Variants in NAV3 observed in about 807,000 individuals in gnomAD.
NAV3 encodes the protein pore membrane and/or filament interacting like protein 1.
A neutral mutation model predicts 244.7 loss-of-function variants in NAV3; 87 were observed. The ratio of observed to expected loss-of-function variants is 0.36; its 90% CI spans 0.30 to 0.42. NAV3 has a LOEUF of 0.42. Ranked by LOEUF, NAV3 falls within the 20% of genes least tolerant of loss-of-function variation. The pLI is 1.00. For missense variants in NAV3, 2,663 were observed against 2,893.3 expected, an observed-to-expected ratio of 0.92 and a Z score of 1.83; for synonymous variants, 1,126 against 1,042.2, an observed-to-expected ratio of 1.08 and a Z score of -1.55.
intron 2 of NAV3, among the ~76,000 whole-genome samples, chr12:77,780,946 T>C (rs9634207): frequency 0.97 from 147,479 of 152,238 alleles, 71,624 homozygotes; most frequent in East Asian, 1. Context: ...CCATGAGGAG[T>C]GGTTGTATCC....
At chr12:77,867,234 T>C (rs1342386317) in intron 1 of NAV3, among the ~76,000 whole-genome samples, 1 of 152,218 alleles carries the variant, frequency 6.6e-6, no homozygotes, top group Non-Finnish European at 1.5e-5. Flanking sequence ...TGAGATCCGA[T>C]GGTTTTATAA....
chr12:77,827,737 TAAC>T (rs1463704475), upstream of NAV3, among the ~76,000 whole-genome samples: 3 of 152,186 alleles, frequency 2.0e-5, no homozygotes, highest in African/African-American at 7.2e-5. Flanking sequence ...AAAACTATCT[TAAC>T]AACATCATAC....
intron 2 of NAV3, among the ~76,000 whole-genome samples, chr12:77,680,483 G>T (rs551789910): frequency 6.6e-6 from 1 of 152,194 alleles, no homozygotes; most frequent in East Asian, 1.9e-4. Flanking sequence ...TTGTGAATGG[G>T]TTAGTAAGAC....
intron 12 of NAV3, among the ~76,000 whole-genome samples, chr12:78,084,893 C>CT (rs1022270861): frequency 2.6e-5 from 4 of 151,666 alleles, no homozygotes; most frequent in Non-Finnish European, 4.4e-5. Context: ...TCTGTGAGAT[C>CT]TTTTTTTTCC....
chr12:78,025,985 G>A (rs948290526), intron 9 of NAV3, among the ~76,000 whole-genome samples: 5 of 152,012 alleles, frequency 3.3e-5, no homozygotes, highest in African/African-American at 1.2e-4. Context: ...CGTCACAAAT[G>A]GACTAAGATA....
intron 12 of NAV3, among the ~76,000 whole-genome samples, chr12:78,098,004 TA>T (rs1954345256): frequency 6.6e-6 from 1 of 152,122 alleles, no homozygotes; most frequent in Non-Finnish European, 1.5e-5. Context: ...GCAGAACGCC[TA>T]TAACTAAATT....
intron 2 of NAV3, among the ~76,000 whole-genome samples, chr12:77,595,921 C>T (rs1019773420): frequency 4.6e-5 from 7 of 152,040 alleles, no homozygotes; most frequent in Admixed American, 3.3e-4. Flanking sequence ...ATGCATTTGC[C>T]TAGACATAAA....
intron 8 of NAV3, among the ~76,000 whole-genome samples, chr12:78,008,690 T>C (rs995828667): frequency 2.6e-5 from 4 of 151,672 alleles, no homozygotes; most frequent in African/African-American, 9.7e-5. Context: ...GTGCTTTTTT[T>C]CTGAGGTTTT....
At chr12:77,575,045 T>C (rs959398274) in intron 2 of NAV3, among the ~76,000 whole-genome samples, 3 of 148,414 alleles carry the variant, frequency 2.0e-5, no homozygotes, top group Non-Finnish European at 4.5e-5. Flanking sequence ...ATATATAATA[T>C]TTACATATTT....
chr12:77,674,119 A>G (rs1874104123), intron 2 of NAV3, among the ~76,000 whole-genome samples: 1 of 152,154 alleles, frequency 6.6e-6, no homozygotes, highest in Non-Finnish European at 1.5e-5. Context: ...CCATAATATC[A>G]ATGTTTCTTT....
rs754227435 is a variant in NAV3 at position 78,051,027 on chromosome 12, T to C, written c.2396T>C (p.Ile799Thr). 1.4e-5 allele frequency: 22 copies of C among 1,613,960 alleles called. No homozygotes were observed. Among genetic ancestry groups the C allele is most frequent in the African/African-American group, 2.7e-5 (2 of 74,884 alleles). ...AVSRLGNMSQ[I>T]DMSEKASSDL... is the part of the protein sequence containing the mutation. ...TCTAGGCTGGGAAACATGTCACAGA[T>C]TGACATGAGTGAGAAAGCAAGCAGT... Residue 799 changes from isoleucine to threonine, a missense_variant, in exon 11 of 40, where the codon ATT becomes ACT. Physicochemically the swap from Ile to Thr is moderately conservative, Grantham distance 89. Coordinates refer to ENST00000397909, the MANE Select transcript of NAV3 (RefSeq NM_001024383.2).
chr12:77,690,138 A>G (rs1367092399), intron 2 of NAV3, among the ~76,000 whole-genome samples: 1 of 151,834 alleles, frequency 6.6e-6, no homozygotes, highest in Non-Finnish European at 1.5e-5. Flanking sequence ...CGGTGCCTGA[A>G]AAAATGCAGA....
intron 7 of NAV3, among the ~76,000 whole-genome samples, chr12:78,004,205 A>T (rs1305753445): frequency 6.6e-6 from 1 of 152,218 alleles, no homozygotes; most frequent in Non-Finnish European, 1.5e-5. Context: ...GATCATAAGC[A>T]TATTGTAGAT....
chr12:78,136,517 G>A (rs901113305), intron 18 of NAV3, among the ~76,000 whole-genome samples: 1 of 152,058 alleles, frequency 6.6e-6, no homozygotes, highest in East Asian at 1.9e-4. Flanking sequence ...TGTGACTTTT[G>A]ACCATCTCAT....
At chr12:77,746,601 T>C (rs2135784492) in intron 2 of NAV3, among the ~76,000 whole-genome samples, 1 of 152,244 alleles carries the variant, frequency 6.6e-6, no homozygotes, top group African/African-American at 2.4e-5. Context: ...TCATTCTATT[T>C]GGAGGAAGAG....
At chr12:77,827,983 A>T (rs182002704), upstream of NAV3, among the ~76,000 whole-genome samples, 6 of 152,170 alleles carry the variant, frequency 3.9e-5, no homozygotes, top group African/African-American at 1.4e-4. Context: ...AGAAGAATCA[A>T]TTCGCTTAAA....
At chr12:77,673,694 A>T (rs1677682514) in intron 2 of NAV3, among the ~76,000 whole-genome samples, 1 of 152,154 alleles carries the variant, frequency 6.6e-6, no homozygotes, top group Admixed American at 6.5e-5. Flanking sequence ...TTAAAAAAAG[A>T]AATAGGTGAG....
intron 2 of NAV3, among the ~76,000 whole-genome samples, chr12:77,658,911 G>A (rs184951784): frequency 1.2e-3 from 184 of 152,316 alleles, no homozygotes; most frequent in African/African-American, 4.3e-3. Flanking sequence ...TCCATATGTA[G>A]AAAGCTGAAA....
At chr12:78,036,887 T>G (rs1254330429) in intron 9 of NAV3, 1 of 700,420 alleles carries the variant, frequency 1.4e-6, no homozygotes, top group East Asian at 2.7e-5. Context: ...CTGAACTCTC[T>G]GTGTTCCGGA....
Sources: allele counts gnomAD v4.1 joint callset (sites outside exome capture counted in the v4.1 genomes callset), GRCh38; gene constraint gnomAD v4.1.1; transcripts MANE v1.5; gene names NCBI Gene and HGNC (gene_info 2026-07-23, HGNC 2026-07-21).